The following IKBKE variants were observed in gnomAD, a reference collection of about 807,000 sequenced individuals.
The protein encoded by IKBKE is inhibitor of nuclear factor kappa-B kinase subunit epsilon.
A neutral mutation model predicts 92.1 loss-of-function variants in IKBKE; 45 were observed. That is an observed-to-expected ratio of 0.49 (90% CI 0.38 to 0.63). The LOEUF is 0.63. Ranked by LOEUF, IKBKE falls within the 20% of genes least tolerant of loss-of-function variation. The probability of loss-of-function intolerance (pLI) is 0.00; values close to 1 mark genes in which losing one functional copy is unlikely to be tolerated. For synonymous variants in IKBKE, 374 were observed against 380.3 expected (o/e 0.98, Z 0.19); for missense variants, 700 against 932.8 (o/e 0.75, Z 3.25).
chr1:206,484,740 A>C (rs1448842226), intron 13 of IKBKE, among the ~76,000 whole-genome samples: 4 of 152,052 alleles, frequency 2.6e-5, no homozygotes, highest in African/African-American at 9.7e-5. Context: ...GGGCCCGTGA[A>C]TTTTCATAGA....
intron 4 of IKBKE, 45 bp from the exon 5 acceptor site, chr1:206,474,817 GGGA>G: frequency 1.3e-6 from 2 of 1,598,440 alleles, no homozygotes; most frequent in Non-Finnish European, 1.7e-6. Context: ...CTGGTGGGTG[GGGA>G]GGAGAAGTGC....
intron 13 of IKBKE, among the ~76,000 whole-genome samples, 175 bp downstream of exon 13, chr1:206,480,708 C>T (rs1553386873): frequency 6.6e-6 from 1 of 152,170 alleles, no homozygotes; most frequent in African/African-American, 2.4e-5. Flanking sequence ...CACCAAATAA[C>T]TGCAATGGCT....
Position 206,487,838 on chromosome 1 carries a change from C to T in IKBKE, c.1617-76C>T. ...TGAGGCTCCTCCCCTATTCCACTGC[C>T]ACCCTTCCCCTCCCTCCCTCTTTCC... On this transcript the variant is annotated intron_variant, in intron 15 of 21. Coordinates refer to ENST00000581977, the MANE Select transcript of IKBKE (RefSeq NM_014002.4). The surrounding 1 kb of genome is among the most constrained non-coding windows in gnomAD (Gnocchi z 5.3). 1 of 1,217,172 alleles carries T rather than the reference C, an allele frequency of 8.2e-7. No individual in the cohort carries two copies. Among genetic ancestry groups the T allele is most frequent in the South Asian group, 1.3e-5 (1 of 76,872 alleles). 75.4% of individuals were successfully genotyped at this position (1,217,172 alleles called of 1,614,324 possible).
rs782224309 is a variant in IKBKE at position 206,491,645 on chromosome 1, T to C, written c.1734-3T>C. The C allele has an allele frequency of 1.2e-6, 2 of 1,610,402 alleles. No individual in the cohort carries two copies. Among genetic ancestry groups the C allele is most frequent in the East Asian group, 4.5e-5 (2 of 44,796 alleles). On this transcript the variant is annotated splice_region_variant and splice_polypyrimidine_tract_variant and intron_variant, in intron 17 of 21. Transcript: ENST00000581977. ...TCTGCACCTTGGTTCTCTGTCGTTC[T>C]AGGGTGAATTTCAGTCATTTAGCCA...
rs1024021417 is a variant in IKBKE, at chr1:206,491,754, C to A, written c.1835+5C>A. ...CACACACGGCAAGAGGATGAGGTAA[C>A]AGCCCCTCCTGAGCTCCTGGAGCCC... On this transcript the variant is annotated splice_donor_5th_base_variant and intron_variant, in intron 18 of 21. Coordinates refer to ENST00000581977, the MANE Select transcript of IKBKE (RefSeq NM_014002.4). 6.2e-7 allele frequency: 1 copy of A among 1,607,250 alleles called. No individual in the cohort carries two copies. The highest frequency in any genetic ancestry group is 8.5e-7 in the Non-Finnish European group (1 of 1,174,514).
chr1:206,485,014 G>A lies in IKBKE; in HGVS notation c.1445G>A (p.Gly482Glu). Residue 482 changes from glycine (G) to glutamate (E), a missense_variant, in exon 14 of 22, where the codon GGA becomes GAA. Gly to Glu is a moderately conservative substitution (Grantham distance 98). Coordinates refer to ENST00000581977, the MANE Select transcript of IKBKE (RefSeq NM_014002.4). The surrounding 1 kb of genome is among the most constrained non-coding windows in gnomAD (Gnocchi z 5.0). Reference protein sequence around the residue: ...LGTERFSSVAGTPEIQELKAA... With the variant: ...LGTERFSSVAETPEIQELKAA... ...CCCTCAAGGTTCAGCAGCGTGGCTG[G>A]AACGCCTGAGATCCAGGAACTGAAG... The A allele has an allele frequency of 6.2e-7, 1 of 1,614,068 alleles. No homozygotes were observed. The highest frequency in any genetic ancestry group is 8.5e-7 in the Non-Finnish European group (1 of 1,179,988).
At chr1:206,480,243 G>A (rs1665301510) in intron 12 of IKBKE, 130 bp downstream of exon 12, 2 of 509,864 alleles carry the variant, frequency 3.9e-6, no homozygotes, top group African/African-American at 2.6e-5. Context: ...AGGAGGAGGG[G>A]GTGGGCAGGA....
At position 206,478,864 on chromosome 1, in the gene IKBKE, T is replaced by G; in HGVS notation, c.993-79T>G. 1 of 1,104,060 alleles carries G rather than the reference T, an allele frequency of 9.1e-7. No homozygotes were observed. The highest frequency in any genetic ancestry group is 1.4e-6 in the Non-Finnish European group (1 of 717,558). The allele number at this position is 1,104,060 out of a possible 1,614,324, so 68.4% of individuals were successfully genotyped here. A position where few individuals can be genotyped will look rare whatever the true frequency, so the allele number is the denominator to read the frequency against. ...GCCCTGTCTATGGGCAACGCTTAGC[T>G]GGGGCTTAGGTCACCCTAGCCCCCT... On this transcript the variant is annotated intron_variant, in intron 9 of 21. Coordinates refer to ENST00000581977, the MANE Select transcript of IKBKE (RefSeq NM_014002.4). This position sits in a 1 kb window ranked among gnomAD's most constrained non-coding sequence, Gnocchi z 4.8.
rs1042972063 is a variant in IKBKE, at chr1:206,478,432, G to A, written c.992+93G>A. 4 of 1,305,552 alleles carry A rather than the reference G, an allele frequency of 3.1e-6. No homozygotes were observed. The highest frequency in any genetic ancestry group is 1.3e-5 in the South Asian group (1 of 79,572). The allele number at this position is 1,305,552 out of a possible 1,614,324, so 80.9% of individuals were successfully genotyped here. A position where few individuals can be genotyped will look rare whatever the true frequency, so the allele number is the denominator to read the frequency against. On this transcript the variant is annotated intron_variant, in intron 9 of 21. Transcript: ENST00000581977. This position sits in a 1 kb window ranked among gnomAD's most constrained non-coding sequence, Gnocchi z 4.8. ...CAGCATCTCCCACAGTACGTTCTGA[G>A]GAGTGTGTACATAGGAACGCTTCCA...
intron 3 of IKBKE, among the ~76,000 whole-genome samples, 174 bp downstream of exon 3, chr1:206,473,488 G>A (rs1664887914): frequency 1.3e-5 from 2 of 152,232 alleles, no homozygotes; most frequent in African/African-American, 4.8e-5. Flanking sequence ...AGCTGAAAAC[G>A]GCTCCTTGAG....
At position 206,474,280 on chromosome 1, in the gene IKBKE, G is replaced by A. The variant is rs527681686; in HGVS notation, c.88-51G>A. 10 of 1,553,256 alleles carry A rather than the reference G, an allele frequency of 6.4e-6. No individual in the cohort carries two copies. In the Admixed American group the frequency reaches 8.8e-5, roughly 14 times the overall value. ...GGGTGGCTGCTCCCCTGTGGGAGTG[G>A]GACATGTGCTAATCCCATGCTGTCT... On this transcript the variant is annotated intron_variant, in intron 3 of 21. Coordinates refer to ENST00000581977, the MANE Select transcript of IKBKE (RefSeq NM_014002.4).
intron 8 of IKBKE, 91 bp downstream of exon 8, chr1:206,477,950 C>T: frequency 1.0e-6 from 1 of 993,814 alleles, no homozygotes; most frequent in Non-Finnish European, 1.5e-6. Context: ...CCTGTTCCAG[C>T]AGGTTCCGGG....
At position 206,490,336 on chromosome 1, in the gene IKBKE, T is replaced by C. The variant is rs544934938; in HGVS notation, c.1694-483T>C. Among the ~76,000 whole-genome samples the C allele has an allele frequency of 2.0e-5, 3 of 152,362 alleles. No homozygotes were observed. Among genetic ancestry groups the C allele is most frequent in the Non-Finnish European group, 4.4e-5 (3 of 68,034 alleles). ...CCAAGGCCATGAAAGCTTCAGCCTT[T>C]CTGGCAAAAGTGGCTGGGCAGAGCG... On this transcript the variant is annotated intron_variant, in intron 16 of 21. Transcript: ENST00000581977. The surrounding 1 kb of genome is among the most constrained non-coding windows in gnomAD (Gnocchi z 5.2).
chr1:206,476,670 T>C lies in IKBKE; in HGVS notation c.541-8T>C. On this transcript the variant is annotated splice_polypyrimidine_tract_variant and splice_region_variant and intron_variant, in intron 6 of 21. Coordinates refer to ENST00000581977, the MANE Select transcript of IKBKE (RefSeq NM_014002.4). The surrounding 1 kb of genome is among the most constrained non-coding windows in gnomAD (Gnocchi z 5.1). ...GCTCCATGGCCTCATTCTGGTTCTC[T>C]CCGGCAGCATCCCGACATGTATGAG... 1 of 1,614,138 alleles carries C rather than the reference T, an allele frequency of 6.2e-7. No individual in the cohort carries two copies. Among genetic ancestry groups the C allele is most frequent in the Non-Finnish European group, 8.5e-7 (1 of 1,179,994 alleles).
intron 21 of IKBKE, among the ~76,000 whole-genome samples, chr1:206,494,274 A>G (rs1476801355): frequency 6.6e-6 from 1 of 152,014 alleles, no homozygotes; most frequent in African/African-American, 2.4e-5. Flanking sequence ...CTCCATATGT[A>G]CTCTGTGCTC....
intron 18 of IKBKE, chr1:206,492,361 C>A: frequency 4.6e-6 from 2 of 438,008 alleles, no homozygotes; most frequent in Non-Finnish European, 9.6e-6. Flanking sequence ...TTCCCACGTG[C>A]TACCACATTC....
intron 20 of IKBKE, 46 bp from the exon 21 acceptor site, chr1:206,493,874 G>T: frequency 6.4e-7 from 1 of 1,556,418 alleles, no homozygotes; most frequent in Non-Finnish European, 8.9e-7. Context: ...GTCTGGGCAG[G>T]GCAACTTCCA....
chr1:206,474,234 G>A, intron 3 of IKBKE, 97 bp from the exon 4 acceptor site: 1 of 1,237,384 alleles, frequency 8.1e-7, no homozygotes, highest in Non-Finnish European at 1.1e-6. Context: ...GGCCGGAGAG[G>A]CTGAATGGAG....
chr1:206,480,579 G>A (rs1553386835), intron 13 of IKBKE, 46 bp downstream of exon 13: 1 of 1,366,998 alleles, frequency 7.3e-7, no homozygotes, highest in Non-Finnish European at 1.0e-6. Flanking sequence ...GCCCTGCCTT[G>A]TCTGCTCCTC....
Sources: gnomAD v4.1 joint callset for allele counts (sites outside exome capture counted in the v4.1 genomes callset) on GRCh38, gnomAD v4.1.1 for gene constraint, Gnocchi (gnomAD v3.1) non-coding constraint, MANE v1.5 for transcripts, NCBI Gene and HGNC (gene_info 2026-07-23, HGNC 2026-07-21) for gene names.